Variants in PRDM1 observed in about 807,000 individuals in gnomAD.
The protein encoded by PRDM1 is PR domain zinc finger protein 1.
Under a neutral mutation model 62.8 loss-of-function variants are expected in PRDM1, and 13 were observed. The ratio of observed to expected loss-of-function variants is 0.21; its 90% CI spans 0.13 to 0.33. PRDM1 has a LOEUF of 0.33. Among genes scored for constraint, PRDM1 ranks in the 10% least tolerant of loss-of-function variants. PRDM1 has a pLI of 1.00. For missense variants in PRDM1, 895 were observed against 1,058.8 expected (o/e 0.85, Z 2.15); for synonymous variants, 396 against 417.6 (o/e 0.95, Z 0.63).
chr6:106,086,169 A>G (rs944546250), upstream of PRDM1, among the ~76,000 whole-genome samples: 4 of 152,226 alleles, frequency 2.6e-5, no homozygotes, highest in Non-Finnish European at 4.4e-5. Flanking sequence ...TTCCAAGTCA[A>G]TGTTGAAATA....
At chr6:106,044,031 A>G (rs1003552124), upstream of PRDM1, among the ~76,000 whole-genome samples, 6 of 151,922 alleles carry the variant, frequency 3.9e-5, no homozygotes, top group African/African-American at 1.5e-4. Flanking sequence ...TTTATGCCCT[A>G]CCTCCTTAAC....
upstream of PRDM1, among the ~76,000 whole-genome samples, chr6:106,044,785 G>A (rs949222704): frequency 6.6e-6 from 1 of 152,128 alleles, no homozygotes; most frequent in African/African-American, 2.4e-5. Flanking sequence ...GATAAGACAA[G>A]GGAAAGCAAG....
At chr6:106,028,768 G>T (rs958225698) in intron 1 of PRDM1, among the ~76,000 whole-genome samples, 2 of 151,886 alleles carry the variant, frequency 1.3e-5, no homozygotes, top group Non-Finnish European at 2.9e-5. Flanking sequence ...AAGTTTTCCT[G>T]TGTCTCTTTG....
At chr6:106,005,414 G>A (rs1772471420) in intron 1 of PRDM1, among the ~76,000 whole-genome samples, 1 of 152,234 alleles carries the variant, frequency 6.6e-6, no homozygotes, top group African/African-American at 2.4e-5. Context: ...TAGTGAAGCT[G>A]TCAACCAGGT....
intron 2 of PRDM1, 30 bp downstream of exon 2, chr6:106,088,479 T>G (rs1214916919): frequency 6.2e-7 from 1 of 1,613,064 alleles, no homozygotes; most frequent in Non-Finnish European, 8.5e-7. Flanking sequence ...ACAAGAAGAT[T>G]GGGGACCTGG....
At chr6:106,098,131 C>G (rs1365435816) in intron 3 of PRDM1, 6 of 890,190 alleles carry the variant, frequency 6.7e-6, no homozygotes, top group Non-Finnish European at 8.1e-6. Flanking sequence ...AAAGCAATAA[C>G]CTGCTGTCCG....
At chr6:105,997,469 T>TA (rs1464508889) in intron 1 of PRDM1, among the ~76,000 whole-genome samples, 1 of 152,210 alleles carries the variant, frequency 6.6e-6, no homozygotes, top group East Asian at 1.9e-4. Flanking sequence ...GTCCTTTCTT[T>TA]AAAAAAATTG....
At chr6:106,048,844 T>C (rs1024756564) in intron 1 of PRDM1, among the ~76,000 whole-genome samples, 10 of 152,132 alleles carry the variant, frequency 6.6e-5, no homozygotes, top group African/African-American at 2.4e-4. Context: ...TTTTTTTCTT[T>C]CTGAGACAGA....
rs1774495679 is a variant in PRDM1 at position 106,106,517 on chromosome 6, G to A, written c.1902+18G>A. 1 of 1,613,852 alleles carries A rather than the reference G, an allele frequency of 6.2e-7. No homozygotes were observed. Among genetic ancestry groups the A allele is most frequent in the Non-Finnish European group, 8.5e-7 (1 of 1,179,984 alleles). On this transcript the variant is annotated intron_variant, in intron 6 of 6. Coordinates refer to ENST00000369096, the MANE Select transcript of PRDM1 (RefSeq NM_001198.4). This position sits in a 1 kb window ranked among gnomAD's most constrained non-coding sequence, Gnocchi z 4.4. ...AATGCCAGGTGCGCAGTATTTTCTGGGTAGACCTTCTGACCTTTGTAGAAA... is the reference window on the plus strand; with the variant it reads ...AATGCCAGGTGCGCAGTATTTTCTGAGTAGACCTTCTGACCTTTGTAGAAA...
At chr6:106,001,533 A>G (rs1157589302) in intron 1 of PRDM1, among the ~76,000 whole-genome samples, 2 of 152,204 alleles carry the variant, frequency 1.3e-5, no homozygotes, top group African/African-American at 4.8e-5. Flanking sequence ...GTTATGAGAT[A>G]GAAAGCTGTT....
At chr6:106,021,723 C>T (rs550935364) in intron 1 of PRDM1, among the ~76,000 whole-genome samples, 8 of 152,300 alleles carry the variant, frequency 5.3e-5, no homozygotes, top group Non-Finnish European at 7.4e-5. Context: ...CGGGTTCAAT[C>T]GATTCTTCTG....
chr6:106,033,661 G>C (rs1447195117), intron 1 of PRDM1, among the ~76,000 whole-genome samples: 4 of 152,014 alleles, frequency 2.6e-5, no homozygotes, highest in Non-Finnish European at 1.5e-5. Context: ...GTATATAGAT[G>C]AGGTTTTTTG....
rs531460617 is a variant in PRDM1 at position 106,076,054 on chromosome 6, C to T, written c.-66-12147C>T. Among the ~76,000 whole-genome samples the T allele has an allele frequency of 5.3e-5, 8 of 152,032 alleles. No homozygotes were observed. In the South Asian group the frequency reaches 1.7e-3, roughly 32 times the overall value. ...GTAACCTCCACTTCCCATGCTCAAG[C>T]CATCCTCCAACCTCAGCCTCCCGAG... On this transcript the variant is annotated intron_variant, in intron 1 of 6. Coordinates refer to the PRDM1 transcript ENST00000651185.
intron 1 of PRDM1, among the ~76,000 whole-genome samples, chr6:106,042,291 C>A (rs189104719): frequency 6.6e-6 from 1 of 150,878 alleles, no homozygotes; most frequent in Non-Finnish European, 1.5e-5. Flanking sequence ...GAGGTCGAGG[C>A]GGGCAGATCA....
intron 1 of PRDM1, among the ~76,000 whole-genome samples, chr6:105,998,744 G>A (rs1772383660): frequency 6.6e-6 from 1 of 151,842 alleles, no homozygotes; most frequent in Non-Finnish European, 1.5e-5. Flanking sequence ...TCTGCCCAAG[G>A]ACTGTTAGTC....
chr6:106,096,243 G>C (rs1774114853), intron 3 of PRDM1: 1 of 156,234 alleles, frequency 6.4e-6, no homozygotes, highest in Admixed American at 6.3e-5. Context: ...CCGCCTCCCA[G>C]GTTCAAGCAA....
chr6:106,031,991 AG>A (rs1772850244), intron 1 of PRDM1, among the ~76,000 whole-genome samples: 1 of 152,052 alleles, frequency 6.6e-6, no homozygotes, highest in African/African-American at 2.4e-5. Context: ...ATTTTTCCTG[AG>A]GCATTTTCTC....
At chr6:106,104,122 G>A (rs1406875024) in intron 4 of PRDM1, among the ~76,000 whole-genome samples, 1 of 151,952 alleles carries the variant, frequency 6.6e-6, no homozygotes, top group Non-Finnish European at 1.5e-5. Flanking sequence ...TTTCCTTTAG[G>A]TAAACCATGA....
chr6:106,069,400 A>C (rs1297564389), intron 1 of PRDM1, among the ~76,000 whole-genome samples: 2 of 152,172 alleles, frequency 1.3e-5, no homozygotes, highest in African/African-American at 4.8e-5. Context: ...AGTGGCGTTA[A>C]GTGTTAATAA....
Sources: allele counts gnomAD v4.1 joint callset (sites outside exome capture counted in the v4.1 genomes callset), GRCh38; gene constraint gnomAD v4.1.1; non-coding constraint Gnocchi (gnomAD v3.1); transcripts MANE v1.5; gene names NCBI Gene and HGNC (gene_info 2026-07-23, HGNC 2026-07-21).